The following PLAG1 variants were observed in gnomAD, a reference collection of about 807,000 sequenced individuals.
PLAG1 encodes zinc finger protein PLAG1.
Under a neutral mutation model 35.5 loss-of-function variants are expected in PLAG1, and 7 were observed. The observed-to-expected ratio is 0.20, with a 90% CI of 0.11 to 0.37. The LOEUF (loss-of-function observed/expected upper bound fraction) is 0.37, where lower values mean the gene tolerates loss of function less well. PLAG1 is among the 10% of genes least tolerant of loss of function. The pLI is 1.00. For missense variants in PLAG1, 454 were observed against 602.8 expected, an observed-to-expected ratio of 0.75 and a Z score of 2.58; for synonymous variants, 229 against 225.4, an observed-to-expected ratio of 1.02 and a Z score of -0.14.
Position 56,166,527 on chromosome 8 carries a change from T to C in PLAG1, c.1219A>G (p.Ile407Val). Residue 407 changes from isoleucine (I) to valine (V), a missense_variant, in exon 5 of 5, where the codon ATC (isoleucine) becomes GTC (valine). By Grantham distance (29) the Ile-to-Val change is conservative. Around this residue, in one of 4 missense-constraint regions of PLAG1, gnomAD observed 271 missense variants for 315.6 expected, o/e 0.86. Transcript: ENST00000316981. Reference protein sequence around the residue: ...DLSLSKSSISISDPLNTPALD... With the variant: ...DLSLSKSSISVSDPLNTPALD... ...GCTGGTGTGTTTAGGGGGTCACTGA[T>C]GGAGATAGAGCTTTTGGATAGGGAG... is the stretch of plus-strand genomic sequence containing the variant. The C allele has an allele frequency of 6.2e-7, 1 of 1,614,000 alleles. No individual in the cohort carries two copies. The highest frequency in any genetic ancestry group is 2.2e-5 in the East Asian group (1 of 44,876).
chr8:56,181,778 T>C (rs1030402347), intron 1 of PLAG1, among the ~76,000 whole-genome samples: 1 of 152,146 alleles, frequency 6.6e-6, no homozygotes, highest in African/African-American at 2.4e-5. Flanking sequence ...TTAAATAAGA[T>C]CTGCCATAAC....
At chr8:56,183,851 T>G (rs1246181368) in intron 1 of PLAG1, among the ~76,000 whole-genome samples, 1 of 152,180 alleles carries the variant, frequency 6.6e-6, no homozygotes, top group Admixed American at 6.5e-5. Context: ...ATCATGAACC[T>G]AAATATAAAA....
In PLAG1 at chr8:56,168,031, T is replaced by C. The variant is rs1249865999; in HGVS notation, c.239A>G (p.Gln80Arg). The change falls in exon 4 of 5, where the codon CAA (glutamine) becomes CGA (arginine). Residue 80 changes from glutamine (Q) to arginine (R), a missense_variant. Gln to Arg is a conservative substitution (Grantham distance 43). Coordinates refer to ENST00000316981, the MANE Select transcript of PLAG1 (RefSeq NM_002655.3). ...TKAFVSKYKL[Q>R]RHMATHSPEK... ...AAAGACAAATAGAGTTTAATACCTT[T>C]GTAATTTGTACTTAGAAACAAAGGC... is the stretch of plus-strand genomic sequence containing the variant. The C allele has an allele frequency of 2.7e-6, 4 of 1,507,186 alleles. No individual in the cohort carries two copies. Among genetic ancestry groups the C allele is most frequent in the Admixed American group, 1.8e-5 (1 of 56,032 alleles). The allele number at this position is 1,507,186 out of a possible 1,614,324, so 93.4% of individuals were successfully genotyped here.
chr8:56,170,687 A>G (rs1811500477), intron 3 of PLAG1, among the ~76,000 whole-genome samples: 1 of 152,224 alleles, frequency 6.6e-6, no homozygotes, highest in South Asian at 2.1e-4. Context: ...TGGGCAAAGA[A>G]TTCCAGTTAA....
chr8:56,178,725 C>T (rs1255971658), intron 2 of PLAG1, among the ~76,000 whole-genome samples: 2 of 151,956 alleles, frequency 1.3e-5, no homozygotes, highest in Admixed American at 6.6e-5. Context: ...CGTCCTAGGG[C>T]TGGGGGTCCT....
In PLAG1 at chr8:56,163,339, C is replaced by T. The variant is rs1811262909; in HGVS notation, c.*2904G>A. The stretch of plus-strand genomic sequence containing the variant: ...CTTATTTTTAATCATATCTAGTTGA[C>T]ATAGAAACAAACAATCTTTTTCTAG... On this transcript the variant is annotated 3_prime_UTR_variant, in exon 5 of 5. Coordinates refer to ENST00000316981, the MANE Select transcript of PLAG1 (RefSeq NM_002655.3). The T allele has an allele frequency of 6.0e-6, 1 of 166,444 alleles. No individual in the cohort carries two copies. 10.3% of individuals were successfully genotyped at this position (166,444 alleles called of 1,614,324 possible). A position where few individuals can be genotyped will look rare whatever the true frequency, so the allele number is the denominator to read the frequency against.
chr8:56,184,464 A>G (rs1002475954), intron 1 of PLAG1, among the ~76,000 whole-genome samples: 2 of 152,264 alleles, frequency 1.3e-5, no homozygotes, highest in Admixed American at 1.3e-4. Flanking sequence ...CATATGACAC[A>G]GCATTTCACA....
Position 56,181,174 on chromosome 8 carries a change from C to A in PLAG1, c.-321-1661G>T, listed in dbSNP as rs181265558. On this transcript the variant is annotated intron_variant, in intron 1 of 4. Transcript: ENST00000316981. ...GACAGTTTGGTGATTCCTCAAGGAT[C>A]TTGAACTAGAAATACCATTTGACCC... Among the ~76,000 whole-genome samples the A allele has an allele frequency of 5.9e-5, 9 of 152,306 alleles. No homozygotes were observed. The East Asian group carries it at 1.5e-3, about 26-fold the overall frequency.
chr8:56,186,763 C>T (rs1354798372), intron 1 of PLAG1, among the ~76,000 whole-genome samples: 2 of 151,968 alleles, frequency 1.3e-5, no homozygotes. Flanking sequence ...GTTGCTCAGG[C>T]TGGAGTGCAA....
chr8:56,190,347 AT>A (rs1306913751), intron 1 of PLAG1, among the ~76,000 whole-genome samples: 1 of 152,170 alleles, frequency 6.6e-6, no homozygotes, highest in Non-Finnish European at 1.5e-5. Context: ...GGTCGAAGGT[AT>A]GCCACTGAGT....
At chr8:56,209,663 G>C (rs1400501194) in intron 1 of PLAG1, among the ~76,000 whole-genome samples, 1 of 152,074 alleles carries the variant, frequency 6.6e-6, no homozygotes, top group Non-Finnish European at 1.5e-5. Flanking sequence ...ACATTCTTTA[G>C]GAAGGATGAA....
chr8:56,204,384 C>T (rs1164965412), intron 1 of PLAG1, among the ~76,000 whole-genome samples: 1 of 151,712 alleles, frequency 6.6e-6, no homozygotes, highest in East Asian at 1.9e-4. Context: ...TGAAACTGTA[C>T]ACTTGAACTA....
intron 1 of PLAG1, among the ~76,000 whole-genome samples, chr8:56,182,781 C>T (rs1426584767): frequency 6.6e-6 from 1 of 152,182 alleles, no homozygotes; most frequent in African/African-American, 2.4e-5. Flanking sequence ...CTAGAGAATG[C>T]TTCCATGCTG....
chr8:56,180,956 A>G (rs1811847502), intron 1 of PLAG1, among the ~76,000 whole-genome samples: 1 of 152,234 alleles, frequency 6.6e-6, no homozygotes, highest in African/African-American at 2.4e-5. Context: ...TCAAACAAAC[A>G]TATGAAAAAA....
intron 1 of PLAG1, chr8:56,209,336 T>C (rs758989316): frequency 2.0e-5 from 3 of 152,250 alleles, no homozygotes; most frequent in Non-Finnish European, 4.4e-5. Context: ...ATACAAACTA[T>C]ACACATATCC....
chr8:56,203,061 A>G (rs1563395440), intron 1 of PLAG1, among the ~76,000 whole-genome samples: 1 of 152,176 alleles, frequency 6.6e-6, no homozygotes, highest in Non-Finnish European at 1.5e-5. Context: ...CTTTTCTTTG[A>G]AGAATAATGA....
chr8:56,181,462 C>A (rs778476809), intron 1 of PLAG1, among the ~76,000 whole-genome samples: 1 of 151,632 alleles, frequency 6.6e-6, no homozygotes, highest in Non-Finnish European at 1.5e-5. Context: ...CAAACTACCA[C>A]AAGAACGGAA....
chr8:56,187,915 G>C (rs1812070060), intron 1 of PLAG1, among the ~76,000 whole-genome samples: 2 of 152,168 alleles, frequency 1.3e-5, no homozygotes, highest in South Asian at 4.1e-4. Flanking sequence ...CCGGAAGCCA[G>C]CAGTCAGTTT....
intron 1 of PLAG1, among the ~76,000 whole-genome samples, chr8:56,195,977 C>A (rs1227374683): frequency 2.0e-5 from 3 of 152,132 alleles, no homozygotes; most frequent in Admixed American, 6.5e-5. Flanking sequence ...TGGGAGGACA[C>A]ACCAAACTGC....
Sources: gnomAD v4.1 joint callset for allele counts (sites outside exome capture counted in the v4.1 genomes callset) on GRCh38, gnomAD v4.1.1 for gene constraint, gnomAD v4.1.1 regional missense constraint, MANE v1.5 for transcripts, NCBI Gene and HGNC (gene_info 2026-07-23, HGNC 2026-07-21) for gene names.